EPS15: variants seen among roughly 807,000 people sequenced by gnomAD.
EPS15 encodes the protein epidermal growth factor receptor pathway substrate 15.
In EPS15, 72 loss-of-function variants were observed where a neutral mutation model predicts 113.8. The observed-to-expected ratio is 0.63, with a 90% CI of 0.52 to 0.77. The LOEUF (loss-of-function observed/expected upper bound fraction) is 0.77, where lower values mean the gene tolerates loss of function less well. Among genes scored for constraint, EPS15 ranks in the 30% least tolerant of loss-of-function variants. The pLI is 0.00. For synonymous variants in EPS15, 344 were observed against 363.4 expected (o/e 0.95, Z 0.61); for missense variants, 1,048 against 1,045.8 (o/e 1.00, Z -0.03).
chr1:51,367,475 C>A (rs1178093824), intron 21 of EPS15, among the ~76,000 whole-genome samples: 4 of 152,146 alleles, frequency 2.6e-5, no homozygotes, highest in African/African-American at 9.7e-5. Flanking sequence ...ATCGCTTGAA[C>A]CCAGGAGGCG....
chr1:51,472,561 T>C (rs1038546536), intron 3 of EPS15, among the ~76,000 whole-genome samples: 4 of 152,154 alleles, frequency 2.6e-5, no homozygotes, highest in African/African-American at 9.7e-5. Context: ...AGCCAAGTCT[T>C]TGAGTGTGTG....
At chr1:51,440,307 G>T in intron 12 of EPS15, 40 bp downstream of exon 12, 1 of 728,102 alleles carries the variant, frequency 1.4e-6, no homozygotes. Flanking sequence ...GTGTGTGTGT[G>T]TGTGTGTATG....
At chr1:51,423,799 G>A in intron 12 of EPS15, 1 of 850,952 alleles carries the variant, frequency 1.2e-6, no homozygotes. Context: ...GCAAAGGAAG[G>A]AAGCTCACTT....
rs545344552 is a variant in EPS15, at chr1:51,450,631, T to C, written c.562-2496A>G. 3.3e-4 allele frequency among the ~76,000 whole-genome samples: 50 copies of C among 151,972 alleles called. 2 individuals carry two copies. Among genetic ancestry groups the C allele is most frequent in the African/African-American group, 1.2e-3 (48 of 41,252 alleles). On this transcript the variant is annotated intron_variant, in intron 8 of 24. Coordinates refer to ENST00000371733, the MANE Select transcript of EPS15 (RefSeq NM_001981.3). ...AAAAATTATTTTTCTTCCCCTAACA[T>C]GCTCAAATTGGTACCACCCCTATGA... is the stretch of plus-strand genomic sequence containing the variant.
chr1:51,403,403 TA>T lies in EPS15; in HGVS notation c.1791+15del. On this transcript the variant is annotated intron_variant, in intron 17 of 24. Transcript: ENST00000371733. Reference sequence around the variant, plus strand: ...CCCTTACAAGTCCCCAATGTAAATATAAAATCATTTTTTACCTCTTTTGAAT... The same window carrying T: ...CCCTTACAAGTCCCCAATGTAAATATAAATCATTTTTTACCTCTTTTGAAT... 1 of 1,425,600 alleles carries T rather than the reference TA, an allele frequency of 7.0e-7. No individual in the cohort carries two copies. Among genetic ancestry groups the T allele is most frequent in the Admixed American group, 1.8e-5 (1 of 56,158 alleles). 88.3% of individuals were successfully genotyped at this position (1,425,600 alleles called of 1,614,324 possible).
intron 1 of EPS15, among the ~76,000 whole-genome samples, chr1:51,505,777 ATATTT>A (rs1205418834): frequency 2.6e-5 from 4 of 152,110 alleles, no homozygotes; most frequent in Non-Finnish European, 5.9e-5. Flanking sequence ...CAATGTTTAA[ATATTT>A]TATTTTATTT....
At chr1:51,451,797 A>G (rs985573317) in intron 8 of EPS15, among the ~76,000 whole-genome samples, 1 of 152,198 alleles carries the variant, frequency 6.6e-6, no homozygotes, top group Non-Finnish European at 1.5e-5. Context: ...AAAGTTTTCC[A>G]TAACTATCTT....
At chr1:51,505,770 T>C (rs1039380118) in intron 1 of EPS15, among the ~76,000 whole-genome samples, 2 of 152,046 alleles carry the variant, frequency 1.3e-5, no homozygotes, top group African/African-American at 2.4e-5. Flanking sequence ...AAGTAAACAA[T>C]GTTTAAATAT....
At chr1:51,401,446 C>T (rs1648541188) in intron 18 of EPS15, among the ~76,000 whole-genome samples, 1 of 152,136 alleles carries the variant, frequency 6.6e-6, no homozygotes, top group Admixed American at 6.5e-5. Flanking sequence ...GAAGCTCGAC[C>T]TCTATCTCAC....
chr1:51,422,550 C>T (rs1352282425), intron 12 of EPS15, among the ~76,000 whole-genome samples: 2 of 152,214 alleles, frequency 1.3e-5, no homozygotes, highest in African/African-American at 2.4e-5. Context: ...TGCTGGGCTC[C>T]GCTTTTACTT....
intron 13 of EPS15, among the ~76,000 whole-genome samples, chr1:51,420,152 G>C (rs1300413787): frequency 6.6e-6 from 1 of 152,052 alleles, no homozygotes; most frequent in Non-Finnish European, 1.5e-5. Context: ...ATTTTGCAAA[G>C]CTTAAGGTTA....
chr1:51,449,597 C>T (rs140329197), intron 8 of EPS15, among the ~76,000 whole-genome samples: 1 of 151,030 alleles, frequency 6.6e-6, no homozygotes, highest in African/African-American at 2.5e-5. Context: ...ATTCATTGTT[C>T]TTTGTTAAAG....
At chr1:51,422,882 G>C (rs1650891251) in intron 12 of EPS15, among the ~76,000 whole-genome samples, 1 of 152,222 alleles carries the variant, frequency 6.6e-6, no homozygotes, top group Non-Finnish European at 1.5e-5. Context: ...CTCCAGATTA[G>C]TATAGCCAAG....
At chr1:51,382,075 A>G (rs1422188424) in intron 21 of EPS15, among the ~76,000 whole-genome samples, 1 of 152,212 alleles carries the variant, frequency 6.6e-6, no homozygotes, top group Non-Finnish European at 1.5e-5. Flanking sequence ...ACAAGACTCA[A>G]TAACTAAAAT....
chr1:51,475,564 A>G (rs1036754674), intron 2 of EPS15, among the ~76,000 whole-genome samples: 1 of 152,148 alleles, frequency 6.6e-6, no homozygotes, highest in East Asian at 1.9e-4. Flanking sequence ...AGTTCTTTGT[A>G]GATTCTGGAT....
chr1:51,480,175 T>C (rs1171931901), intron 2 of EPS15, among the ~76,000 whole-genome samples: 2 of 152,250 alleles, frequency 1.3e-5, no homozygotes, highest in African/African-American at 4.8e-5. Flanking sequence ...GCCTATAATG[T>C]TTAATTAATA....
chr1:51,432,677 C>T (rs1651835297), intron 12 of EPS15, among the ~76,000 whole-genome samples: 1 of 152,068 alleles, frequency 6.6e-6, no homozygotes, highest in Non-Finnish European at 1.5e-5. Context: ...AGTGCTCAAT[C>T]ACCACACAGC....
chr1:51,381,001 C>T (rs1188578088), intron 21 of EPS15, among the ~76,000 whole-genome samples: 1 of 152,102 alleles, frequency 6.6e-6, no homozygotes, highest in Non-Finnish European at 1.5e-5. Context: ...CATTTATAAA[C>T]ATACATGCAC....
intron 12 of EPS15, among the ~76,000 whole-genome samples, chr1:51,440,120 C>A (rs1357589555): frequency 6.6e-6 from 1 of 151,892 alleles, no homozygotes; most frequent in East Asian, 1.9e-4. Context: ...AACAGTGTAT[C>A]CTGCAATTAA....
Sources: gnomAD v4.1 joint callset for allele counts (sites outside exome capture counted in the v4.1 genomes callset) on GRCh38, gnomAD v4.1.1 for gene constraint, MANE v1.5 for transcripts, NCBI Gene and HGNC (gene_info 2026-07-23, HGNC 2026-07-21) for gene names.